The following HPGDS variants were observed in gnomAD, a reference collection of about 807,000 sequenced individuals.
HPGDS encodes the protein hematopoietic prostaglandin D synthase.
HPGDS carries 26 observed loss-of-function variants against 23.1 expected under a neutral mutation model. That is an observed-to-expected ratio of 1.13 (90% CI 0.83 to 1.56). The LOEUF (loss-of-function observed/expected upper bound fraction) is 1.56. Among genes scored for constraint, HPGDS ranks in the 40% most tolerant of loss-of-function variants. The probability of loss-of-function intolerance (pLI) is 0.00; values close to 1 mark genes in which losing one functional copy is unlikely to be tolerated. For synonymous variants in HPGDS, 95 were observed against 77.9 expected (o/e 1.22, Z -1.16); for missense variants, 268 against 236.4 (o/e 1.13, Z -0.88).
chr4:94,308,384 A>C (rs1382415281), intron 4 of HPGDS, among the ~76,000 whole-genome samples: 3 of 152,138 alleles, frequency 2.0e-5, no homozygotes, highest in Non-Finnish European at 1.5e-5. Flanking sequence ...TATCCTATAG[A>C]AATATGGAAA....
In HPGDS at chr4:94,299,543, C is replaced by G. The variant is rs763196780; in HGVS notation, c.537G>C (p.Lys179Asn). ...DNHPRLVTLR[K>N]KVQAIPAVAN... The stretch of plus-strand genomic sequence containing the variant: ...CGACGGCAGGAATGGCTTGGACTTT[C>G]TTCCGTAAAGTCACCAGCCTTGGAT... Residue 179 changes from lysine (K) to asparagine (N), a missense_variant, in exon 6 of 6, where the codon AAG becomes AAC. Physicochemically the swap from Lys to Asn is moderately conservative, Grantham distance 94 (BLOSUM62 0). Transcript: ENST00000295256. The G allele has an allele frequency of 2.5e-6, 4 of 1,613,958 alleles. No homozygotes were observed. In the Admixed American group the frequency reaches 6.7e-5, roughly 27 times the overall value.
At chr4:94,338,137 A>G (rs1721060968) in intron 1 of HPGDS, among the ~76,000 whole-genome samples, 1 of 152,170 alleles carries the variant, frequency 6.6e-6, no homozygotes, top group East Asian at 1.9e-4. Context: ...AAAAGAGAAA[A>G]ATCAGGCCGG....
chr4:94,320,066 C>T (rs533989746), intron 2 of HPGDS, among the ~76,000 whole-genome samples: 3 of 152,306 alleles, frequency 2.0e-5, no homozygotes, highest in Non-Finnish European at 4.4e-5. Flanking sequence ...CCAGCTTCAT[C>T]CATGTCCCTA....
chr4:94,325,551 C>A (rs534942612), intron 2 of HPGDS, among the ~76,000 whole-genome samples: 2 of 152,204 alleles, frequency 1.3e-5, no homozygotes, highest in Non-Finnish European at 2.9e-5. Context: ...GCTGCACAAG[C>A]AGTGAGCAAG....
chr4:94,334,711 T>C, intron 1 of HPGDS, 73 bp from the exon 2 acceptor site: 1 of 1,408,508 alleles, frequency 7.1e-7, no homozygotes, highest in Non-Finnish European at 9.6e-7. Context: ...TTCAGAATTT[T>C]TTGGAAAACT....
rs11349997 is a variant in HPGDS at position 94,336,205 on chromosome 4, CAA to C, written c.-9-1569_-9-1568del. 9.2e-3 allele frequency among the ~76,000 whole-genome samples: 1,103 copies of C among 119,790 alleles called. 10 individuals carry two copies. The highest frequency in any genetic ancestry group is 0.028 in the African/African-American group (907 of 32,324). 78.6% of individuals were successfully genotyped at this position (119,790 alleles called of 152,430 possible). ...TGGGCAGCAGAGTGAGACGCCGTCT[CAA>C]AAAAAAAAAAAAAAGAAAGAAAGAA... On this transcript the variant is annotated intron_variant, in intron 1 of 5. Transcript: ENST00000295256.
intron 1 of HPGDS, among the ~76,000 whole-genome samples, chr4:94,340,316 T>TCTTTTC (rs1560598061): frequency 0.26 from 4,324 of 16,864 alleles, 316 homozygotes; most frequent in Non-Finnish European, 0.32. Flanking sequence ...TTTCTCTTTT[T>TCTTTTC]TTTTTTTTTT....
intron 3 of HPGDS, among the ~76,000 whole-genome samples, chr4:94,310,165 T>C (rs1201480964): frequency 6.6e-6 from 1 of 152,244 alleles, no homozygotes; most frequent in African/African-American, 2.4e-5. Context: ...CTGGCTTTTG[T>C]TGCCATTGCT....
intron 1 of HPGDS, among the ~76,000 whole-genome samples, chr4:94,335,285 G>T (rs1372250166): frequency 6.6e-6 from 1 of 152,190 alleles, no homozygotes; most frequent in Non-Finnish European, 1.5e-5. Context: ...CTGCAGAGAT[G>T]GGGCAATCTT....
intron 2 of HPGDS, among the ~76,000 whole-genome samples, chr4:94,324,767 G>A (rs147644067): frequency 0.025 from 3,862 of 152,220 alleles, 110 homozygotes; most frequent in African/African-American, 0.076. Flanking sequence ...ATGTCAACTC[G>A]TCAAAGTCAT....
chr4:94,327,623 A>G lies in HPGDS; in HGVS notation c.133+6874T>C, dbSNP rs557628990. On this transcript the variant is annotated intron_variant, in intron 2 of 5. Transcript: ENST00000295256. ...TTGTGGCCCTGATACTAGAGAAGGT[A>G]TGGTTGCTGTCTGTGGCAACAGCCC... is the stretch of plus-strand genomic sequence containing the variant. 2.0e-5 allele frequency among the ~76,000 whole-genome samples: 3 copies of G among 152,258 alleles called. No individual in the cohort carries two copies. In the East Asian group the frequency reaches 5.8e-4, roughly 29 times the overall value.
In HPGDS at chr4:94,317,032, C is replaced by G. The variant is rs559915800; in HGVS notation, c.226+841G>C. 2.4e-4 allele frequency among the ~76,000 whole-genome samples: 37 copies of G among 152,284 alleles called. No individual in the cohort carries two copies. The South Asian group carries it at 7.7e-3, about 32-fold the overall frequency. Reference sequence around the variant, plus strand: ...TGAAACATGTTAGTGTAACACAAAACTTTGTATTTTTAAAATACACTATTT... The same window carrying G: ...TGAAACATGTTAGTGTAACACAAAAGTTTGTATTTTTAAAATACACTATTT... On this transcript the variant is annotated intron_variant, in intron 3 of 5. Coordinates refer to ENST00000295256, the MANE Select transcript of HPGDS (RefSeq NM_014485.3).
intron 2 of HPGDS, among the ~76,000 whole-genome samples, chr4:94,320,102 T>A (rs974068136): frequency 6.6e-6 from 1 of 152,242 alleles, no homozygotes; most frequent in South Asian, 2.1e-4. Context: ...CATCCTTTTT[T>A]ATGGCTGCAT....
chr4:94,324,346 G>GAA (rs200751282), intron 2 of HPGDS, among the ~76,000 whole-genome samples: 3,756 of 151,772 alleles, frequency 0.025, 101 homozygotes, highest in African/African-American at 0.074. Context: ...ATAATATACT[G>GAA]GAGTGTTTTC....
intron 3 of HPGDS, among the ~76,000 whole-genome samples, chr4:94,309,534 G>C (rs1232962216): frequency 2.0e-5 from 3 of 152,002 alleles, no homozygotes; most frequent in Non-Finnish European, 4.4e-5. Context: ...TATCATTGTT[G>C]GACATTTGAC....
Position 94,299,516 on chromosome 4 carries a change from A to T in HPGDS, c.564T>A (p.Ala188=), listed in dbSNP as rs755719146. 2.5e-5 allele frequency: 40 copies of T among 1,613,680 alleles called. 2 individuals carry two copies. In the Middle Eastern group the frequency reaches 1.3e-3, roughly 53 times the overall value. Residue 188 remains alanine (A), a synonymous_variant, in exon 6 of 6, where the codon GCT becomes GCA. Coordinates refer to ENST00000295256, the MANE Select transcript of HPGDS (RefSeq NM_014485.3). ...TTTGGGGCCTTCGTTTTATCCAGTT[A>T]GCGACGGCAGGAATGGCTTGGACTT... ...RKKVQAIPAV[A]NWIKRRPQTK...
At chr4:94,311,772 CT>C (rs529107358) in intron 3 of HPGDS, among the ~76,000 whole-genome samples, 5 of 151,166 alleles carry the variant, frequency 3.3e-5, no homozygotes, top group South Asian at 2.1e-4. Context: ...TGGTCCTGGA[CT>C]TTTTTTGGTT....
At chr4:94,341,201 C>G (rs970317946) in intron 1 of HPGDS, among the ~76,000 whole-genome samples, 4 of 152,058 alleles carry the variant, frequency 2.6e-5, no homozygotes, top group Admixed American at 2.6e-4. Flanking sequence ...TGAAAACTAA[C>G]TAATACAATG....
At chr4:94,342,235 G>A (rs1721188351) in intron 1 of HPGDS, among the ~76,000 whole-genome samples, 1 of 152,000 alleles carries the variant, frequency 6.6e-6, no homozygotes, top group Non-Finnish European at 1.5e-5. Context: ...ATATCCTTTG[G>A]GAGCTGTGAG....
Sources: gnomAD v4.1 joint callset for allele counts (sites outside exome capture counted in the v4.1 genomes callset) on GRCh38, gnomAD v4.1.1 for gene constraint, MANE v1.5 for transcripts, NCBI Gene and HGNC (gene_info 2026-07-23, HGNC 2026-07-21) for gene names.